Variants in DYNC2I1 observed in about 807,000 individuals in gnomAD.
DYNC2I1 encodes cytoplasmic dynein 2 intermediate chain 1.
In DYNC2I1, 89 loss-of-function variants were observed where a neutral mutation model predicts 133.4. That is an observed-to-expected ratio of 0.67 (90% CI 0.56 to 0.80). The LOEUF (loss-of-function observed/expected upper bound fraction) is 0.80, where lower values mean the gene tolerates loss of function less well. DYNC2I1 is among the 30% of genes least tolerant of loss of function. DYNC2I1 has a pLI of 0.00. For missense variants in DYNC2I1, 1,291 were observed against 1,314.5 expected, an observed-to-expected ratio of 0.98 and a Z score of 0.28; for synonymous variants, 504 against 484.3, an observed-to-expected ratio of 1.04 and a Z score of -0.54.
chr7:158,883,658 C>CTTTTTTTTTTTTTT, intron 5 of DYNC2I1, among the ~76,000 whole-genome samples: 1 of 86,160 alleles, frequency 1.2e-5, no homozygotes, highest in Non-Finnish European at 2.1e-5. Flanking sequence ...CCAGTGACTT[C>CTTTTTTTTTTTTTT]TTTTTTTTTT....
intron 8 of DYNC2I1, among the ~76,000 whole-genome samples, chr7:158,900,101 A>T (rs952434014): frequency 1.3e-5 from 2 of 151,776 alleles, no homozygotes; most frequent in Non-Finnish European, 2.9e-5. Context: ...GGTATCTGAG[A>T]AACTGAATGT....
chr7:158,917,547 A>G (rs1848580094), intron 14 of DYNC2I1, among the ~76,000 whole-genome samples: 1 of 113,554 alleles, frequency 8.8e-6, no homozygotes, highest in Non-Finnish European at 1.8e-5. Flanking sequence ...CCTGTCCTCC[A>G]CACTCCACCC....
rs573288711 is a variant in DYNC2I1 at position 158,934,951 on chromosome 7, A to C, written c.2778+402A>C. 7.8e-4 allele frequency among the ~76,000 whole-genome samples: 119 copies of C among 152,290 alleles called. 1 individual carries two copies. The highest frequency in any genetic ancestry group is 2.8e-3 in the African/African-American group (115 of 41,544). On this transcript the variant is annotated intron_variant, in intron 23 of 24. Transcript: ENST00000407559. The stretch of plus-strand genomic sequence containing the variant: ...AGTGGTTTAAAAAGGAGAAACATGA[A>C]ATTAATAACAAATTTTAAAAACAAA...
intron 10 of DYNC2I1, chr7:158,905,382 C>T (rs1585102536): frequency 4.1e-6 from 1 of 245,264 alleles, no homozygotes; most frequent in Non-Finnish European, 8.1e-6. Flanking sequence ...CTCAAGTGAT[C>T]CGCCTGCCTC....
At chr7:158,864,177 C>T (rs1842197061) in intron 1 of DYNC2I1, among the ~76,000 whole-genome samples, 1 of 152,016 alleles carries the variant, frequency 6.6e-6, no homozygotes, top group Non-Finnish European at 1.5e-5. Context: ...GACGTGACCA[C>T]TGTCACATTT....
chr7:158,958,255 C>T (rs2129490648), downstream of DYNC2I1, among the ~76,000 whole-genome samples: 1 of 152,232 alleles, frequency 6.6e-6, no homozygotes, highest in South Asian at 2.1e-4. Context: ...AATGTCAAAG[C>T]AGCAAAGCCG....
the DYNC2I1 span, among the ~76,000 whole-genome samples, chr7:158,840,700 G>A: frequency 1.0e-3 from 157 of 152,324 alleles, no homozygotes; most frequent in African/African-American, 3.3e-3. Context: ...ATTTACACAC[G>A]AATCAGATAT....
chr7:158,847,746 T>C, the DYNC2I1 span, among the ~76,000 whole-genome samples: 4 of 152,200 alleles, frequency 2.6e-5, no homozygotes, highest in Non-Finnish European at 5.9e-5. Context: ...CTGTCTCAGC[T>C]CAGTCACTAG....
At chr7:158,864,477 A>C (rs1242230686) in intron 1 of DYNC2I1, among the ~76,000 whole-genome samples, 2 of 152,098 alleles carry the variant, frequency 1.3e-5, no homozygotes, top group African/African-American at 4.8e-5. Flanking sequence ...ACATGTTATA[A>C]GCAGAAATAG....
At chr7:158,926,013 TGTGTGTGTCAGTC>T (rs1161906184) in intron 17 of DYNC2I1, among the ~76,000 whole-genome samples, 161 bp from the exon 18 acceptor site, 2 of 152,176 alleles carry the variant, frequency 1.3e-5, no homozygotes, top group African/African-American at 4.8e-5. Context: ...CTGTGTCAGT[TGTGTGTGTCAGTC>T]GTGTGTGGTC....
chr7:158,933,618 C>T (rs1850445847), intron 21 of DYNC2I1, among the ~76,000 whole-genome samples: 2 of 152,248 alleles, frequency 1.3e-5, no homozygotes, highest in African/African-American at 4.8e-5. Context: ...ATGTTAGCAT[C>T]ACAGTTCTAG....
At chr7:158,902,324 A>G in intron 9 of DYNC2I1, 52 bp from the exon 10 acceptor site, 1 of 1,508,256 alleles carries the variant, frequency 6.6e-7, no homozygotes, top group Non-Finnish European at 9.1e-7. Context: ...ATGAGGGATA[A>G]TTGAAAGTCA....
intron 15 of DYNC2I1, among the ~76,000 whole-genome samples, chr7:158,920,474 C>T (rs904097124): frequency 6.6e-6 from 1 of 152,010 alleles, no homozygotes; most frequent in African/African-American, 2.4e-5. Context: ...AGCGCCAGGC[C>T]TCCATCAGGG....
At chr7:158,876,571 C>T (rs1403383506) in intron 3 of DYNC2I1, 38 bp from the exon 4 acceptor site, 1 of 1,525,482 alleles carries the variant, frequency 6.6e-7, no homozygotes, top group East Asian at 2.4e-5. Flanking sequence ...GATGTGCTAA[C>T]ATTTGGGAGT....
At chr7:158,852,267 G>A (rs184897874), upstream of DYNC2I1, among the ~76,000 whole-genome samples, 263 of 152,076 alleles carry the variant, frequency 1.7e-3, no homozygotes, top group Non-Finnish European at 2.8e-3. Flanking sequence ...GATTGCAGGT[G>A]CCTGCCACCA....
the DYNC2I1 span, among the ~76,000 whole-genome samples, chr7:158,846,250 C>G: frequency 2.0e-5 from 3 of 152,036 alleles, no homozygotes; most frequent in Non-Finnish European, 2.9e-5. Context: ...CAGAGCAAAA[C>G]TCCATTTCAA....
At chr7:158,917,199 G>T (rs77239220) in intron 14 of DYNC2I1, among the ~76,000 whole-genome samples, 1 of 122,450 alleles carries the variant, frequency 8.2e-6, no homozygotes. Flanking sequence ...ATTGTGAAAC[G>T]TCGACACGCT....
chr7:158,855,034 C>T (rs1202595094), upstream of DYNC2I1, among the ~76,000 whole-genome samples: 2 of 152,196 alleles, frequency 1.3e-5, no homozygotes, highest in Admixed American at 6.5e-5. Context: ...GGGTGTTGGG[C>T]GACTCGGCTT....
intron 11 of DYNC2I1, among the ~76,000 whole-genome samples, chr7:158,906,375 T>C (rs1253606713): frequency 6.6e-6 from 1 of 152,216 alleles, no homozygotes; most frequent in Non-Finnish European, 1.5e-5. Flanking sequence ...TTTAGAAATC[T>C]ATAAAAGATA....
Sources: gnomAD v4.1 joint callset for allele counts (sites outside exome capture counted in the v4.1 genomes callset) on GRCh38, gnomAD v4.1.1 for gene constraint, MANE v1.5 for transcripts, NCBI Gene and HGNC (gene_info 2026-07-23, HGNC 2026-07-21) for gene names.